Variants in EPRS1 observed in about 807,000 individuals in gnomAD.
The protein encoded by EPRS1 is glutamyl-prolyl-tRNA synthetase 1.
In EPRS1, 107 loss-of-function variants were observed where a neutral mutation model predicts 188.3. That is an observed-to-expected ratio of 0.57 (90% CI 0.49 to 0.67). EPRS1 has a LOEUF of 0.67. Ranked by LOEUF, EPRS1 falls within the 30% of genes least tolerant of loss-of-function variation. The probability of loss-of-function intolerance (pLI) is 0.00; values close to 1 mark genes in which losing one functional copy is unlikely to be tolerated. For synonymous variants in EPRS1, 596 were observed against 593.1 expected (o/e 1.00, Z -0.07); for missense variants, 1,577 against 1,802.2 (o/e 0.88, Z 2.26).
intron 13 of EPRS1, among the ~76,000 whole-genome samples, chr1:220,008,522 T>A (rs1421421538): frequency 6.6e-6 from 1 of 152,132 alleles, no homozygotes; most frequent in Admixed American, 6.5e-5. Context: ...ACAGATAACA[T>A]ACTAAGCTCA....
At chr1:219,991,111 A>G (rs1395275490) in intron 18 of EPRS1, among the ~76,000 whole-genome samples, 2 of 152,018 alleles carry the variant, frequency 1.3e-5, no homozygotes, top group Non-Finnish European at 2.9e-5. Context: ...TAAAATGGAG[A>G]AAATGGACAA....
In EPRS1 at chr1:220,020,097, C is replaced by G. The variant is rs1444688973; in HGVS notation, c.1240G>C (p.Gly414Arg). The G allele has an allele frequency of 6.2e-7, 1 of 1,613,940 alleles. No individual in the cohort carries two copies. Among genetic ancestry groups the G allele is most frequent in the Non-Finnish European group, 8.5e-7 (1 of 1,179,890 alleles). Residue 414 changes from glycine (G) to arginine (R), a missense_variant, in exon 10 of 32, where the codon GGC becomes CGC. Physicochemically the swap from Gly to Arg is moderately radical, Grantham distance 125. Transcript: ENST00000366923. ...EQFYWIIEAL[G>R]IRKPYIWEYS... The stretch of plus-strand genomic sequence containing the variant: ...TCCCAAATATATGGTTTTCTTATGC[C>G]TAAAGCTTCAATAATCCAGTAAAAC...
chr1:219,981,391 CACT>C lies in EPRS1; in HGVS notation c.3437_3439del (p.Gln1146_Trp1147delinsArg). Reference sequence around the variant, plus strand: ...GTGAATACCTACCACCACATTGCACCACTGATTGAGCTTGATGGGCAGGTCTCT... The same window carrying C: ...GTGAATACCTACCACCACATTGCACCGATTGAGCTTGATGGGCAGGTCTCT... On this transcript the variant is annotated inframe_deletion, in exon 24 of 32. Transcript: ENST00000366923. The C allele has an allele frequency of 6.2e-7, 1 of 1,606,862 alleles. No individual in the cohort carries two copies. The highest frequency in any genetic ancestry group is 8.5e-7 in the Non-Finnish European group (1 of 1,175,934).
intron 4 of EPRS1, among the ~76,000 whole-genome samples, 160 bp downstream of exon 4, chr1:220,033,342 G>A (rs1241641886): frequency 6.6e-6 from 1 of 152,124 alleles, no homozygotes; most frequent in African/African-American, 2.4e-5. Flanking sequence ...GAATAAAACA[G>A]CCAGGGAGGT....
At chr1:219,977,382 A>G (rs556611153) in intron 28 of EPRS1, among the ~76,000 whole-genome samples, 1 of 152,314 alleles carries the variant, frequency 6.6e-6, no homozygotes, top group South Asian at 2.1e-4. Flanking sequence ...TACTAAAAGA[A>G]GAGTGACAAA....
At chr1:219,988,885 C>T in intron 18 of EPRS1, 62 bp from the exon 19 acceptor site, 1 of 1,047,864 alleles carries the variant, frequency 9.5e-7, no homozygotes, top group South Asian at 1.5e-5. Context: ...AATTTCAATG[C>T]CATTTAAAAA....
At chr1:220,021,285 C>T (rs1369689149) in intron 9 of EPRS1, among the ~76,000 whole-genome samples, 1 of 152,074 alleles carries the variant, frequency 6.6e-6, no homozygotes, top group African/African-American at 2.4e-5. Context: ...AACTCCTGGA[C>T]TGAAGCAATC....
At chr1:220,031,979 C>G (rs1662091743) in intron 5 of EPRS1, among the ~76,000 whole-genome samples, 1 of 152,036 alleles carries the variant, frequency 6.6e-6, no homozygotes, top group Non-Finnish European at 1.5e-5. Context: ...ATGTCAGATT[C>G]TTGCAAGAAG....
intron 6 of EPRS1, among the ~76,000 whole-genome samples, chr1:220,026,952 CA>C (rs1661984338): frequency 3.3e-5 from 5 of 151,972 alleles, no homozygotes; most frequent in Middle Eastern, 3.4e-3. Context: ...TCAAATCAAT[CA>C]AGTTTTTAAA....
chr1:220,041,221 A>G (rs1477796385), intron 1 of EPRS1, among the ~76,000 whole-genome samples: 2 of 151,772 alleles, frequency 1.3e-5, no homozygotes, highest in Non-Finnish European at 2.9e-5. Context: ...GGTCCCAGCT[A>G]CCCAGGGGGC....
chr1:220,030,283 T>C (rs1662060072), intron 6 of EPRS1, 103 bp downstream of exon 6: 3 of 687,044 alleles, frequency 4.4e-6, no homozygotes, highest in Non-Finnish European at 7.3e-6. Context: ...AATCTTATGT[T>C]CTTCTATATT....
chr1:220,032,650 T>C, intron 4 of EPRS1, 124 bp from the exon 5 acceptor site: 3 of 900,508 alleles, frequency 3.3e-6, no homozygotes, highest in Non-Finnish European at 5.2e-6. Flanking sequence ...AATGAAATGT[T>C]AAATATCTGG....
rs1196547866 is a variant in EPRS1 at position 220,040,214 on chromosome 1, T to G, written c.102A>C (p.Glu34Asp). Residue 34 changes from glutamate to aspartate, a missense_variant, in exon 2 of 32, where the codon GAA becomes GAC. Around this residue, in one of 3 missense-constraint regions of EPRS1, gnomAD observed 1,278 missense variants for 1,457.4 expected, o/e 0.88. Coordinates refer to ENST00000366923, the MANE Select transcript of EPRS1 (RefSeq NM_004446.3). ...VKDDVSISVE[E>D]GKENILHVSE... is the part of the protein sequence containing the mutation. ...AAACATGAAGAATATTCTCTTTCCC[T>G]TCTTCAACGGAAATGCTGACATCGT... The G allele has an allele frequency of 1.2e-6, 2 of 1,608,678 alleles. No homozygotes were observed. Among genetic ancestry groups the G allele is most frequent in the Admixed American group, 3.3e-5 (2 of 59,878 alleles).
intron 1 of EPRS1, among the ~76,000 whole-genome samples, chr1:220,044,701 A>T (rs1298365804): frequency 7.2e-6 from 1 of 139,226 alleles, no homozygotes; most frequent in Admixed American, 7.1e-5. Flanking sequence ...AAAAAAAAAA[A>T]AAAAAAAAAA....
intron 18 of EPRS1, among the ~76,000 whole-genome samples, chr1:219,992,359 T>TAG (rs1324791651): frequency 6.6e-6 from 1 of 152,216 alleles, no homozygotes; most frequent in Non-Finnish European, 1.5e-5. Context: ...GGGTATGGCA[T>TAG]AGAGAGAGAA....
At chr1:220,035,671 A>T (rs983782350) in intron 2 of EPRS1, among the ~76,000 whole-genome samples, 6 of 151,428 alleles carry the variant, frequency 4.0e-5, no homozygotes, top group Non-Finnish European at 7.4e-5. Flanking sequence ...TCTACTAAAA[A>T]CACAAAAATT....
chr1:220,018,208 T>C, intron 12 of EPRS1: 3 of 1,303,606 alleles, frequency 2.3e-6, no homozygotes, highest in Non-Finnish European at 3.1e-6. Context: ...AAAATATTAC[T>C]GTTCCCCATA....
In EPRS1 at chr1:219,982,833, A is replaced by C. The variant is rs751711628; in HGVS notation, c.3312T>G (p.Val1104=). The C allele has an allele frequency of 6.2e-7, 1 of 1,613,962 alleles. No individual in the cohort carries two copies. The highest frequency in any genetic ancestry group is 1.1e-5 in the South Asian group (1 of 91,074). Residue 1104 remains valine, a synonymous_variant, in exon 23 of 32, where the codon GTT becomes GTG. Transcript: ENST00000366923. The stretch of plus-strand genomic sequence containing the variant: ...CCAGCTCGGTTTTGCCAGATCTTGT[A>C]ACCCAAGCAACCTAGTAAGAAAAAA... ...VADFAPEVAW[V]TRSGKTELAE... is the part of the protein sequence containing the mutation.
At chr1:219,990,242 C>T (rs960001594) in intron 18 of EPRS1, among the ~76,000 whole-genome samples, 10 of 151,884 alleles carry the variant, frequency 6.6e-5, no homozygotes, top group African/African-American at 2.2e-4. Flanking sequence ...GCTATGTATT[C>T]ATATATTTCC....
Sources: gnomAD v4.1 joint callset for allele counts (sites outside exome capture counted in the v4.1 genomes callset) on GRCh38, gnomAD v4.1.1 for gene constraint, gnomAD v4.1.1 regional missense constraint, MANE v1.5 for transcripts, NCBI Gene and HGNC (gene_info 2026-07-23, HGNC 2026-07-21) for gene names.